Variants in KCNH8 observed in about 807,000 individuals in gnomAD.
KCNH8 encodes the protein voltage-gated delayed rectifier potassium channel KCNH8.
In KCNH8, 70 loss-of-function variants were observed where a neutral mutation model predicts 103.6. That is an observed-to-expected ratio of 0.68 (90% confidence interval 0.56 to 0.82). The LOEUF (loss-of-function observed/expected upper bound fraction) is 0.82. Ranked by LOEUF, KCNH8 falls within the 40% of genes least tolerant of loss-of-function variation. The pLI, the probability that KCNH8 is intolerant of heterozygous loss-of-function variation, is 0.00. For synonymous variants in KCNH8, 498 were observed against 489.4 expected, an observed-to-expected ratio of 1.02 and a Z score of -0.23; for missense variants, 1,217 against 1,329.9, an observed-to-expected ratio of 0.92 and a Z score of 1.32.
chr3:19,318,114 C>A (rs1407590595), intron 3 of KCNH8, among the ~76,000 whole-genome samples: 1 of 151,850 alleles, frequency 6.6e-6, no homozygotes, highest in Non-Finnish European at 1.5e-5. Flanking sequence ...AGCTGATAAG[C>A]AACTTCAGCA....
At chr3:19,290,110 T>C (rs1177015620) in intron 3 of KCNH8, among the ~76,000 whole-genome samples, 1 of 152,174 alleles carries the variant, frequency 6.6e-6, no homozygotes, top group African/African-American at 2.4e-5. Context: ...TCCTGAGACT[T>C]TGCTGAAGTT....
At chr3:19,466,418 A>G (rs2067736904) in intron 11 of KCNH8, among the ~76,000 whole-genome samples, 1 of 152,160 alleles carries the variant, frequency 6.6e-6, no homozygotes, top group Non-Finnish European at 1.5e-5. Context: ...GTAAAATGCT[A>G]TCAAACTGTA....
intron 8 of KCNH8, among the ~76,000 whole-genome samples, chr3:19,439,795 A>G (rs1365798884): frequency 6.6e-6 from 1 of 152,176 alleles, no homozygotes; most frequent in Non-Finnish European, 1.5e-5. Context: ...CGTAAAAGAA[A>G]AAAGCAAAGC....
intron 4 of KCNH8, 32 bp from the exon 5 acceptor site, chr3:19,347,693 C>A: frequency 6.2e-7 from 1 of 1,608,504 alleles, no homozygotes; most frequent in Non-Finnish European, 8.5e-7. Flanking sequence ...TGTTGTGTTT[C>A]TCCTTTCTCT....
chr3:19,246,201 A>G (rs2064201811), intron 1 of KCNH8, among the ~76,000 whole-genome samples: 1 of 151,768 alleles, frequency 6.6e-6, no homozygotes, highest in African/African-American at 2.4e-5. Context: ...TGCTGTTTTT[A>G]AAATTAAATT....
intron 1 of KCNH8, among the ~76,000 whole-genome samples, chr3:19,246,281 T>G (rs1482791648): frequency 7.0e-6 from 1 of 142,012 alleles, no homozygotes; most frequent in East Asian, 2.0e-4. Context: ...GTTGTTTTTT[T>G]TTTTTTTTTT....
At chr3:19,240,972 A>C (rs1008428083) in intron 1 of KCNH8, among the ~76,000 whole-genome samples, 10 of 152,132 alleles carry the variant, frequency 6.6e-5, no homozygotes, top group Non-Finnish European at 1.3e-4. Flanking sequence ...CTGTCATGAT[A>C]ACCCTCTACT....
chr3:19,195,082 C>T (rs562397283), intron 1 of KCNH8, among the ~76,000 whole-genome samples: 2 of 151,908 alleles, frequency 1.3e-5, no homozygotes, highest in East Asian at 3.9e-4. Context: ...ATACCAATAA[C>T]TTCTATAATC....
In KCNH8 at chr3:19,507,926, G is replaced by A. The variant is rs545342424; in HGVS notation, c.2041-2437G>A. 3.3e-5 allele frequency among the ~76,000 whole-genome samples: 5 copies of A among 152,276 alleles called. No homozygotes were observed. The East Asian group carries it at 9.7e-4, about 29-fold the overall frequency. On this transcript the variant is annotated intron_variant, in intron 11 of 15. Coordinates refer to ENST00000328405, the MANE Select transcript of KCNH8 (RefSeq NM_144633.3). ...AAAAGATGGCTCTTACTATTTTCGG[G>A]TATATTCCTCTGATGACTAATCTGG...
chr3:19,305,596 C>T (rs754154012), intron 3 of KCNH8, among the ~76,000 whole-genome samples: 1 of 151,972 alleles, frequency 6.6e-6, no homozygotes, highest in African/African-American at 2.4e-5. Flanking sequence ...AGAGAAAATT[C>T]ACACACAATT....
chr3:19,306,672 G>A (rs751142172), intron 3 of KCNH8, among the ~76,000 whole-genome samples: 4 of 152,096 alleles, frequency 2.6e-5, no homozygotes, highest in Non-Finnish European at 5.9e-5. Context: ...AATTGGTGGA[G>A]AGAACATGGG....
chr3:19,447,073 A>G (rs1575076489), intron 8 of KCNH8, among the ~76,000 whole-genome samples: 1 of 152,040 alleles, frequency 6.6e-6, no homozygotes, highest in African/African-American at 2.4e-5. Context: ...AATTTGCTAG[A>G]AATAAAGGAA....
chr3:19,371,048 T>C (rs1250676599), intron 5 of KCNH8, among the ~76,000 whole-genome samples: 1 of 152,146 alleles, frequency 6.6e-6, no homozygotes, highest in Non-Finnish European at 1.5e-5. Context: ...TTTGCAATTG[T>C]GAATAATGCC....
At chr3:19,159,373 T>C (rs191526884) in intron 1 of KCNH8, among the ~76,000 whole-genome samples, 102 of 152,012 alleles carry the variant, frequency 6.7e-4, no homozygotes, top group Non-Finnish European at 2.8e-4. Flanking sequence ...TACACATATA[T>C]GATATGATGT....
At chr3:19,427,028 A>G (rs2067038470) in intron 7 of KCNH8, among the ~76,000 whole-genome samples, 1 of 152,160 alleles carries the variant, frequency 6.6e-6, no homozygotes, top group South Asian at 2.1e-4. Flanking sequence ...CAAAGCACCA[A>G]AGGGTACCAA....
chr3:19,345,536 G>A (rs1453996385), intron 4 of KCNH8, among the ~76,000 whole-genome samples: 17 of 151,960 alleles, frequency 1.1e-4, no homozygotes, highest in Admixed American at 9.2e-4. Flanking sequence ...TAAACTTAAC[G>A]TCTAGACTAG....
intron 10 of KCNH8, among the ~76,000 whole-genome samples, chr3:19,455,526 AAACTT>A: frequency 6.6e-6 from 1 of 152,094 alleles, no homozygotes; most frequent in Admixed American, 6.6e-5. Flanking sequence ...AGTTACTTAA[AAACTT>A]AACTAAAGGT....
intron 3 of KCNH8, among the ~76,000 whole-genome samples, chr3:19,286,929 T>C (rs1010167318): frequency 6.6e-6 from 1 of 152,226 alleles, no homozygotes; most frequent in Non-Finnish European, 1.5e-5. Flanking sequence ...TTAATCCAGA[T>C]GGTAAATGCA....
At chr3:19,155,746 T>C (rs1044737857) in intron 1 of KCNH8, among the ~76,000 whole-genome samples, 4 of 152,320 alleles carry the variant, frequency 2.6e-5, no homozygotes, top group African/African-American at 7.2e-5. Context: ...TCTATCAAAC[T>C]CCTTCTCTGA....
Sources: allele counts gnomAD v4.1 joint callset (sites outside exome capture counted in the v4.1 genomes callset), GRCh38; gene constraint gnomAD v4.1.1; transcripts MANE v1.5; gene names NCBI Gene and HGNC (gene_info 2026-07-23, HGNC 2026-07-21).